Variants in OR6N1 observed in about 807,000 individuals in gnomAD.
The protein encoded by OR6N1 is olfactory receptor 6N1.
For synonymous variants in OR6N1, 170 were observed against 150.7 expected, an observed-to-expected ratio of 1.13 and a Z score of -0.94; for missense variants, 394 against 371.7, an observed-to-expected ratio of 1.06 and a Z score of -0.49.
the OR6N1 span, among the ~76,000 whole-genome samples, chr1:158,812,039 G>T: frequency 4.6e-5 from 7 of 152,164 alleles, no homozygotes; most frequent in Non-Finnish European, 8.8e-5. Context: ...CAGGATGAAT[G>T]GTTGCAACTG....
upstream of OR6N1, among the ~76,000 whole-genome samples, chr1:158,773,544 A>C (rs949598719): frequency 1.3e-5 from 2 of 152,154 alleles, no homozygotes; most frequent in African/African-American, 4.8e-5. Context: ...TAAATGTTTA[A>C]CAACTGACTC....
the OR6N1 span, among the ~76,000 whole-genome samples, chr1:158,827,594 T>C: frequency 6.6e-6 from 1 of 152,170 alleles, no homozygotes; most frequent in Non-Finnish European, 1.5e-5. Flanking sequence ...CAGGGTAGAT[T>C]TTAGAACTTC....
the OR6N1 span, among the ~76,000 whole-genome samples, chr1:158,810,454 A>C: frequency 6.6e-6 from 1 of 152,136 alleles, no homozygotes; most frequent in Non-Finnish European, 1.5e-5. Context: ...GGAGTTGCTA[A>C]GTGTGTAAAG....
At chr1:158,774,597 T>C (rs1005271157), upstream of OR6N1, 1 of 152,198 alleles carries the variant, frequency 6.6e-6, no homozygotes, top group African/African-American at 2.4e-5. Context: ...CTAGCAATCC[T>C]ATACTTATGC....
rs755488216 is a variant in OR6N1, at chr1:158,766,069, C to T, written c.614G>A (p.Cys205Tyr). 5.6e-6 allele frequency: 9 copies of T among 1,614,140 alleles called. No homozygotes were observed. Among genetic ancestry groups the T allele is most frequent in the Non-Finnish European group, 7.6e-6 (9 of 1,180,028 alleles). The change falls in exon 2 of 2, where the codon TGC (cysteine) becomes TAC (tyrosine). Residue 205 changes from cysteine to tyrosine, a missense_variant. Physicochemically the swap from Cys to Tyr is radical, Grantham distance 194 (BLOSUM62 -2). Coordinates refer to ENST00000641846, the MANE Select transcript of OR6N1 (RefSeq NM_001005185.2). ...NVLVDFVINS[C>Y]KILATFLLIL... Reference sequence around the variant, plus strand: ...CAGCAGGAAGGTGGCTAGGATCTTGCAGGAATTTATAACAAAATCTACTAG... The same window carrying T: ...CAGCAGGAAGGTGGCTAGGATCTTGTAGGAATTTATAACAAAATCTACTAG...
rs113233974 is a variant in OR6N1, at chr1:158,766,177, C to T, written c.506G>A (p.Cys169Tyr). 9.9e-4 allele frequency: 1,606 copies of T among 1,614,134 alleles called. 22 individuals carry two copies. In the African/African-American group the frequency reaches 0.017, roughly 17 times the overall value. ...EISLISRLPF[C>Y]GPNRIQHVFC... ...GACGTGCTGAATGCGATTGGGGCCA[C>T]AGAATGGGAGGCGTGAAATCAAGGA... Residue 169 changes from cysteine to tyrosine, a missense_variant, in exon 2 of 2, where the codon TGT becomes TAT. Cys to Tyr is a radical substitution (Grantham distance 194). Transcript: ENST00000641846.
At chr1:158,829,226 C>T in the OR6N1 span, among the ~76,000 whole-genome samples, 29 of 152,252 alleles carry the variant, frequency 1.9e-4, no homozygotes, top group African/African-American at 6.3e-4. Context: ...GCATGAATTT[C>T]TCCTCAGAAA....
At chr1:158,776,706 A>G (rs760126687), upstream of OR6N1, 7 of 1,608,410 alleles carry the variant, frequency 4.4e-6, no homozygotes, top group Non-Finnish European at 6.0e-6. Flanking sequence ...GACTAGCTTT[A>G]TCTCCCTTCT....
At chr1:158,782,844 G>A in the OR6N1 span, among the ~76,000 whole-genome samples, 7 of 152,230 alleles carry the variant, frequency 4.6e-5, no homozygotes, top group East Asian at 7.7e-4. Context: ...TGGTCACAGA[G>A]TGACTTTGTC....
the OR6N1 span, among the ~76,000 whole-genome samples, chr1:158,793,015 G>A: frequency 3.9e-5 from 6 of 151,916 alleles, no homozygotes; most frequent in Admixed American, 2.0e-4. Context: ...TTGAAACCTT[G>A]CCTTTGAGCT....
At chr1:158,825,514 T>C in the OR6N1 span, among the ~76,000 whole-genome samples, 5 of 149,724 alleles carry the variant, frequency 3.3e-5, no homozygotes, top group South Asian at 2.1e-4. Context: ...AACAAGCATA[T>C]GAAAAAAAAA....
At chr1:158,830,632 G>GC in the OR6N1 span, among the ~76,000 whole-genome samples, 4 of 152,124 alleles carry the variant, frequency 2.6e-5, no homozygotes, top group African/African-American at 7.2e-5. Flanking sequence ...GGTTTATCAG[G>GC]CCCCCTATCA....
chr1:158,783,682 T>G, the OR6N1 span, among the ~76,000 whole-genome samples: 1 of 152,230 alleles, frequency 6.6e-6, no homozygotes, highest in African/African-American at 2.4e-5. Context: ...TTTATTTCTC[T>G]CTTTTCACCA....
At chr1:158,787,635 T>TCACACACACACACACA in the OR6N1 span, among the ~76,000 whole-genome samples, 13 of 134,306 alleles carry the variant, frequency 9.7e-5, no homozygotes, top group East Asian at 4.4e-4. Flanking sequence ...TCTCTCTCTC[T>TCACACACACACACACA]CACACACACA....
the OR6N1 span, among the ~76,000 whole-genome samples, chr1:158,839,500 G>A: frequency 6.6e-6 from 1 of 152,128 alleles, no homozygotes; most frequent in Non-Finnish European, 1.5e-5. Context: ...ACTACTTTTT[G>A]CAGCCTCAAA....
At chr1:158,773,056 C>G (rs1210572590), upstream of OR6N1, among the ~76,000 whole-genome samples, 1 of 151,960 alleles carries the variant, frequency 6.6e-6, no homozygotes, top group Non-Finnish European at 1.5e-5. Flanking sequence ...TACTTACAAA[C>G]TATAATATGA....
the OR6N1 span, among the ~76,000 whole-genome samples, chr1:158,817,704 T>C: frequency 1.3e-5 from 2 of 152,150 alleles, no homozygotes; most frequent in African/African-American, 4.8e-5. Flanking sequence ...GGCATAGGCA[T>C]GGGTGTAATC....
chr1:158,800,367 C>T, the OR6N1 span, among the ~76,000 whole-genome samples: 1 of 152,122 alleles, frequency 6.6e-6, no homozygotes, highest in Non-Finnish European at 1.5e-5. Context: ...TACTATTTTG[C>T]TGTTGTTGTT....
At chr1:158,829,177 C>T in the OR6N1 span, among the ~76,000 whole-genome samples, 2 of 152,244 alleles carry the variant, frequency 1.3e-5, no homozygotes, top group East Asian at 3.8e-4. Flanking sequence ...TCATGATTAA[C>T]ATTTAGCTCC....
Sources: gnomAD v4.1 joint callset for allele counts (sites outside exome capture counted in the v4.1 genomes callset) on GRCh38, gnomAD v4.1.1 for gene constraint, MANE v1.5 for transcripts, NCBI Gene and HGNC (gene_info 2026-07-23, HGNC 2026-07-21) for gene names.